ZNF334: variants seen among roughly 807,000 people sequenced by gnomAD.
The protein encoded by ZNF334 is zinc finger protein 334.
ZNF334 carries 14 observed loss-of-function variants against 12.4 expected under a neutral mutation model. The observed-to-expected ratio is 1.13, with a 90% CI of 0.74 to 1.76. The LOEUF (loss-of-function observed/expected upper bound fraction) is 1.76, where lower values mean the gene tolerates loss of function less well. Among genes scored for constraint, ZNF334 ranks in the 40% most tolerant of loss-of-function variants. The probability of loss-of-function intolerance (pLI) is 0.00; values close to 1 mark genes in which losing one functional copy is unlikely to be tolerated. For missense variants in ZNF334, 797 were observed against 804.5 expected (o/e 0.99, Z 0.11); for synonymous variants, 273 against 269.6 (o/e 1.01, Z -0.12).
the ZNF334 span, among the ~76,000 whole-genome samples, chr20:46,490,297 A>C: frequency 6.6e-6 from 1 of 152,248 alleles, no homozygotes; most frequent in Non-Finnish European, 1.5e-5. Context: ...ATCCAAATAG[A>C]GCATCGGCCC....
At chr20:46,480,357 T>C in the ZNF334 span, among the ~76,000 whole-genome samples, 2 of 152,144 alleles carry the variant, frequency 1.3e-5, no homozygotes, top group Non-Finnish European at 2.9e-5. Flanking sequence ...GATTCCCCCA[T>C]GTCACTGATG....
the ZNF334 span, chr20:46,490,872 C>T: frequency 6.6e-6 from 1 of 152,206 alleles, no homozygotes; most frequent in Non-Finnish European, 1.5e-5. Flanking sequence ...CTCAATGAAT[C>T]TGGGAATGCC....
the ZNF334 span, among the ~76,000 whole-genome samples, chr20:46,487,460 G>A: frequency 6.6e-6 from 1 of 152,122 alleles, no homozygotes; most frequent in South Asian, 2.1e-4. Context: ...TGTTCTGGAT[G>A]AGTATAATAT....
At chr20:46,510,827 G>C (rs2061622454) in intron 2 of ZNF334, among the ~76,000 whole-genome samples, 1 of 151,286 alleles carries the variant, frequency 6.6e-6, no homozygotes, top group Admixed American at 6.6e-5. Flanking sequence ...AAGCAGCACT[G>C]ATAGGGAAAA....
At chr20:46,493,289 T>C in the ZNF334 span, among the ~76,000 whole-genome samples, 2 of 152,192 alleles carry the variant, frequency 1.3e-5, no homozygotes, top group Non-Finnish European at 2.9e-5. Context: ...ATAGGCTAGA[T>C]GATGCAACCC....
At position 46,504,716 on chromosome 20, in the gene ZNF334, T is replaced by G; in HGVS notation, c.46A>C (p.Thr16Pro). ...CATTCCTCTTGGGTGAAGTTCACAG[T>G]CAGGTCCTGGAATGAAACTGGTATC... ...FQIPVSFQDL[T>P]VNFTQEEWQQ... Residue 16 changes from threonine to proline, a missense_variant, in exon 3 of 5, where the codon ACT becomes CCT. Coordinates refer to ENST00000692313, the MANE Select transcript of ZNF334 (RefSeq NM_001353824.2). 6.2e-7 allele frequency: 1 copy of G among 1,612,192 alleles called. No homozygotes were observed. The highest frequency in any genetic ancestry group is 1.3e-5 in the African/African-American group (1 of 74,850).
chr20:46,489,032 G>A, the ZNF334 span, among the ~76,000 whole-genome samples: 3 of 151,698 alleles, frequency 2.0e-5, no homozygotes, highest in Non-Finnish European at 4.4e-5. Context: ...TGTGATTTGC[G>A]CTTCTTGGAT....
intron 2 of ZNF334, among the ~76,000 whole-genome samples, chr20:46,507,244 G>C (rs1299743215): frequency 6.6e-6 from 1 of 151,992 alleles, no homozygotes; most frequent in Non-Finnish European, 1.5e-5. Flanking sequence ...AAAAACAAGG[G>C]AAAGGGAAGG....
the ZNF334 span, among the ~76,000 whole-genome samples, chr20:46,488,788 A>AT: frequency 2.7e-5 from 4 of 147,326 alleles, no homozygotes; most frequent in Non-Finnish European, 5.9e-5. Flanking sequence ...TGCTGGGCAT[A>AT]GAATTCTAGT....
chr20:46,464,414 C>G, the ZNF334 span: 1 of 504,694 alleles, frequency 2.0e-6, no homozygotes, highest in Non-Finnish European at 4.0e-6. Flanking sequence ...GTGGCTGCAG[C>G]TGGAGAGGAT....
intron 2 of ZNF334, among the ~76,000 whole-genome samples, chr20:46,507,076 T>C (rs1239679163): frequency 6.6e-6 from 1 of 151,730 alleles, no homozygotes; most frequent in African/African-American, 2.4e-5. Context: ...ATTGCACCAC[T>C]GCACTCCAGC....
the ZNF334 span, among the ~76,000 whole-genome samples, chr20:46,472,888 G>A: frequency 2.0e-5 from 3 of 152,070 alleles, no homozygotes; most frequent in Non-Finnish European, 2.9e-5. Context: ...CATGGGAAGA[G>A]GTCAAATTCT....
chr20:46,501,259 T>C lies in ZNF334; in HGVS notation c.*37A>G. 2.5e-6 allele frequency: 4 copies of C among 1,580,090 alleles called. No individual in the cohort carries two copies. Among genetic ancestry groups the C allele is most frequent in the Non-Finnish European group, 3.4e-6 (4 of 1,164,052 alleles). On this transcript the variant is annotated 3_prime_UTR_variant, in exon 5 of 5. Transcript: ENST00000692313. ...GTTTAGCATTGTGTAAGTTATTTGATTTGTTGCTTTGTTGGAATTTATTAC... is the reference window on the plus strand; with the variant it reads ...GTTTAGCATTGTGTAAGTTATTTGACTTGTTGCTTTGTTGGAATTTATTAC...
intron 2 of ZNF334, among the ~76,000 whole-genome samples, chr20:46,511,732 T>G (rs2061657845): frequency 6.6e-6 from 1 of 152,204 alleles, no homozygotes; most frequent in Non-Finnish European, 1.5e-5. Flanking sequence ...TCTGCCTGGG[T>G]ATAGAAGTCA....
the ZNF334 span, among the ~76,000 whole-genome samples, chr20:46,465,818 G>A: frequency 3.3e-5 from 5 of 152,160 alleles, no homozygotes; most frequent in Non-Finnish European, 5.9e-5. Flanking sequence ...AGCCGGGCGT[G>A]GTGGCGAGCG....
chr20:46,502,145 AATTCTCTG>A lies in ZNF334; in HGVS notation c.1186_1193del (p.Gln396SerfsTer8). On this transcript the variant is annotated frameshift_variant, in exon 5 of 5. Transcript: ENST00000692313. LOFTEE classifies it low-confidence loss of function (END_TRUNC). ...ATTCATAGGGTTTTTCCCCTGTGTG[AATTCTCTG>A]ATGCGCAGTAAGGGCTGACTGACAG... 1 of 1,614,134 alleles carries A rather than the reference AATTCTCTG, an allele frequency of 6.2e-7. No individual in the cohort carries two copies. Among genetic ancestry groups the A allele is most frequent in the Non-Finnish European group, 8.5e-7 (1 of 1,180,012 alleles).
At chr20:46,472,785 C>T in the ZNF334 span, among the ~76,000 whole-genome samples, 2 of 152,190 alleles carry the variant, frequency 1.3e-5, no homozygotes, top group Non-Finnish European at 2.9e-5. Flanking sequence ...GTCTTAAGGG[C>T]AGGGATTGCC....
At position 46,501,787 on chromosome 20, in the gene ZNF334, C is replaced by T. The variant is rs1258292058; in HGVS notation, c.1552G>A (p.Glu518Lys). Residue 518 changes from glutamate to lysine, a missense_variant, in exon 5 of 5, where the codon GAG (glutamate) becomes AAG (lysine). Transcript: ENST00000692313. ...KRMNTKENLY[E>K]CSEHGHAVSK... is the part of the protein sequence containing the mutation. Reference sequence around the variant, plus strand: ...ACGGCATGCCCATGTTCACTACACTCATAAAGATTCTCCTTTGTGTTCATT... The same window carrying T: ...ACGGCATGCCCATGTTCACTACACTTATAAAGATTCTCCTTTGTGTTCATT... 2 of 1,614,168 alleles carry T rather than the reference C, an allele frequency of 1.2e-6. No individual in the cohort carries two copies. Among genetic ancestry groups the T allele is most frequent in the Non-Finnish European group, 1.7e-6 (2 of 1,180,026 alleles).
At chr20:46,475,342 A>C in the ZNF334 span, among the ~76,000 whole-genome samples, 1 of 152,176 alleles carries the variant, frequency 6.6e-6, no homozygotes, top group South Asian at 2.1e-4. Flanking sequence ...TAAATGTAAA[A>C]CTATAAAACT....
Sources: gnomAD v4.1 joint callset for allele counts (sites outside exome capture counted in the v4.1 genomes callset) on GRCh38, gnomAD v4.1.1 for gene constraint, MANE v1.5 for transcripts, NCBI Gene and HGNC (gene_info 2026-07-23, HGNC 2026-07-21) for gene names.